Variants in GNB4 observed in about 807,000 individuals in gnomAD.
GNB4 encodes the protein G protein subunit beta 4.
GNB4 carries 28 observed loss-of-function variants against 45.2 expected under a neutral mutation model. The ratio of observed to expected loss-of-function variants is 0.62; its 90% CI spans 0.46 to 0.85. The LOEUF (loss-of-function observed/expected upper bound fraction) is 0.85, where lower values mean the gene tolerates loss of function less well. Ranked by LOEUF, GNB4 falls within the 40% of genes least tolerant of loss-of-function variation. GNB4 has a pLI of 0.00. For synonymous variants in GNB4, 132 were observed against 143.7 expected (o/e 0.92, Z 0.58); for missense variants, 321 against 425.4 (o/e 0.75, Z 2.16).
chr3:179,406,612 AC>A (rs1371964850), intron 8 of GNB4, among the ~76,000 whole-genome samples: 2 of 151,734 alleles, frequency 1.3e-5, no homozygotes, highest in Non-Finnish European at 2.9e-5. Context: ...TCTTTTAATT[AC>A]TTTTTTTTGT....
At chr3:179,523,796 A>G in the GNB4 span, among the ~76,000 whole-genome samples, 1 of 151,996 alleles carries the variant, frequency 6.6e-6, no homozygotes, top group Non-Finnish European at 1.5e-5. Flanking sequence ...GGGATATGAG[A>G]GGAGGATGCA....
At chr3:179,465,493 C>CA in the GNB4 span, among the ~76,000 whole-genome samples, 10 of 152,116 alleles carry the variant, frequency 6.6e-5, no homozygotes, top group East Asian at 1.7e-3. Context: ...CCTGTAGTCC[C>CA]AGCTACTTGG....
At chr3:179,491,123 C>A in the GNB4 span, among the ~76,000 whole-genome samples, 1 of 152,024 alleles carries the variant, frequency 6.6e-6, no homozygotes, top group African/African-American at 2.4e-5. Flanking sequence ...AACAAATAGA[C>A]AGAAATTCTC....
At chr3:179,488,862 T>C in the GNB4 span, among the ~76,000 whole-genome samples, 2 of 150,312 alleles carry the variant, frequency 1.3e-5, no homozygotes, top group Admixed American at 6.6e-5. Flanking sequence ...TGCGTGTCTG[T>C]AGTCCCAGCT....
At chr3:179,491,761 G>C in the GNB4 span, among the ~76,000 whole-genome samples, 4 of 152,296 alleles carry the variant, frequency 2.6e-5, no homozygotes, top group South Asian at 8.3e-4. Flanking sequence ...GTAAAGGAAG[G>C]TTCTCTGAAG....
At chr3:179,455,107 TTTTG>T (rs1378183596), upstream of GNB4, among the ~76,000 whole-genome samples, 1 of 152,216 alleles carries the variant, frequency 6.6e-6, no homozygotes, top group Non-Finnish European at 1.5e-5. Context: ...CAGTTATAGC[TTTTG>T]TTTATTTCCA....
At chr3:179,486,188 TC>T in the GNB4 span, among the ~76,000 whole-genome samples, 4 of 134,990 alleles carry the variant, frequency 3.0e-5, no homozygotes, top group South Asian at 9.3e-4. Flanking sequence ...GCCACTGCAC[TC>T]CAGCTTGGGC....
chr3:179,479,753 C>T, the GNB4 span, among the ~76,000 whole-genome samples: 3 of 152,156 alleles, frequency 2.0e-5, no homozygotes, highest in African/African-American at 7.2e-5. Flanking sequence ...ACTCAAATTG[C>T]TATAAACTCT....
At chr3:179,419,335 G>T in intron 4 of GNB4, 64 bp downstream of exon 4, 1 of 1,012,930 alleles carries the variant, frequency 9.9e-7, no homozygotes, top group Non-Finnish European at 1.6e-6. Context: ...AAATGCAAAT[G>T]ATGGTTCTTA....
chr3:179,420,148 C>T (rs80179669), intron 3 of GNB4, among the ~76,000 whole-genome samples: 16 of 144,494 alleles, frequency 1.1e-4, no homozygotes, highest in Admixed American at 8.2e-4. Flanking sequence ...TTTTTTTTTT[C>T]GAGACAGAGT....
At chr3:179,511,198 A>G in the GNB4 span, among the ~76,000 whole-genome samples, 6 of 152,186 alleles carry the variant, frequency 3.9e-5, no homozygotes, top group Non-Finnish European at 5.9e-5. Flanking sequence ...GAACATTTAC[A>G]GTATCCAGAA....
the GNB4 span, among the ~76,000 whole-genome samples, chr3:179,511,823 G>A: frequency 2.0e-5 from 3 of 152,038 alleles, no homozygotes; most frequent in Non-Finnish European, 4.4e-5. Context: ...ACTGCCTAAT[G>A]TTATTTTGGC....
At chr3:179,436,225 C>A (rs888789162) in intron 1 of GNB4, among the ~76,000 whole-genome samples, 4 of 152,026 alleles carry the variant, frequency 2.6e-5, no homozygotes, top group Admixed American at 1.3e-4. Flanking sequence ...ATGGAGAAAC[C>A]CTGTCTCTAC....
chr3:179,418,693 A>T (rs913234252), intron 4 of GNB4, among the ~76,000 whole-genome samples: 1 of 152,216 alleles, frequency 6.6e-6, no homozygotes, highest in African/African-American at 2.4e-5. Context: ...ATTAAAACAT[A>T]GAAGTTTCTT....
chr3:179,433,091 CAG>C (rs1715351272), intron 1 of GNB4, among the ~76,000 whole-genome samples: 1 of 152,154 alleles, frequency 6.6e-6, no homozygotes, highest in South Asian at 2.1e-4. Flanking sequence ...TCTCACTGAT[CAG>C]ACTTTTCCTG....
the GNB4 span, among the ~76,000 whole-genome samples, chr3:179,458,185 G>T: frequency 6.6e-6 from 1 of 152,172 alleles, no homozygotes; most frequent in Non-Finnish European, 1.5e-5. Flanking sequence ...TTACAGGCGT[G>T]AGCCACCGCG....
At chr3:179,424,987 G>A (rs1479728518) in intron 2 of GNB4, among the ~76,000 whole-genome samples, 2 of 152,204 alleles carry the variant, frequency 1.3e-5, no homozygotes, top group Non-Finnish European at 1.5e-5. Flanking sequence ...CAGCAGCTGT[G>A]TTCCAAGTTA....
the GNB4 span, among the ~76,000 whole-genome samples, chr3:179,468,035 A>AAAAAAAAAAAAATATATATATATATAT: frequency 6.5e-4 from 58 of 89,862 alleles, 1 homozygote; most frequent in African/African-American, 2.2e-3. Flanking sequence ...TGTTGATAAA[A>AAAAAAAAAAAAATATATATATATATAT]ATATATATAT....
intron 1 of GNB4, among the ~76,000 whole-genome samples, chr3:179,439,954 C>CA (rs1307083655): frequency 2.0e-5 from 3 of 152,186 alleles, no homozygotes; most frequent in Non-Finnish European, 4.4e-5. Flanking sequence ...GATTTTAAAA[C>CA]ATTATTCTTG....
Sources: gnomAD v4.1 joint callset for allele counts (sites outside exome capture counted in the v4.1 genomes callset) on GRCh38, gnomAD v4.1.1 for gene constraint, MANE v1.5 for transcripts, NCBI Gene and HGNC (gene_info 2026-07-23, HGNC 2026-07-21) for gene names.